Variants in FBXL17 observed in about 807,000 individuals in gnomAD.
FBXL17 encodes the protein F-box/LRR-repeat protein 17.
Under a neutral mutation model 66.2 loss-of-function variants are expected in FBXL17, and 22 were observed. The ratio of observed to expected loss-of-function variants is 0.33; its 90% CI spans 0.24 to 0.47. The LOEUF (loss-of-function observed/expected upper bound fraction) is 0.47. Among genes scored for constraint, FBXL17 ranks in the 20% least tolerant of loss-of-function variants. FBXL17 has a pLI of 1.00. For synonymous variants in FBXL17, 474 were observed against 400.5 expected, an observed-to-expected ratio of 1.18 and a Z score of -2.19; for missense variants, 878 against 948.2, an observed-to-expected ratio of 0.93 and a Z score of 0.97.
At chr5:108,340,981 G>C (rs1746839888) in intron 4 of FBXL17, among the ~76,000 whole-genome samples, 1 of 152,098 alleles carries the variant, frequency 6.6e-6, no homozygotes, top group South Asian at 2.1e-4. Flanking sequence ...ACATATCTTA[G>C]TACCATATTG....
intron 5 of FBXL17, among the ~76,000 whole-genome samples, chr5:108,203,557 A>C (rs1753987989): frequency 6.6e-6 from 1 of 152,162 alleles, no homozygotes; most frequent in South Asian, 2.1e-4. Context: ...TACAGTACTC[A>C]CTAGGTCATA....
intron 6 of FBXL17, among the ~76,000 whole-genome samples, chr5:108,100,046 A>G (rs1285896392): frequency 6.6e-6 from 1 of 152,090 alleles, no homozygotes; most frequent in Non-Finnish European, 1.5e-5. Context: ...AAACTATCCC[A>G]ATTATCTCAA....
At chr5:108,171,218 T>G (rs556533492) in intron 6 of FBXL17, among the ~76,000 whole-genome samples, 1 of 152,214 alleles carries the variant, frequency 6.6e-6, no homozygotes, top group Non-Finnish European at 1.5e-5. Context: ...TAATACTTAC[T>G]TTATTGTAAT....
chr5:108,154,612 TATATACACAC>T (rs1377342230), intron 6 of FBXL17, among the ~76,000 whole-genome samples: 4 of 95,438 alleles, frequency 4.2e-5, no homozygotes, highest in African/African-American at 1.9e-4. Flanking sequence ...AAAAAATATA[TATATACACAC>T]ACACACACAC....
intron 7 of FBXL17, among the ~76,000 whole-genome samples, chr5:107,979,207 C>T (rs12656140): frequency 0.12 from 17,836 of 151,956 alleles, 1,337 homozygotes; most frequent in East Asian, 0.2. Context: ...TTGGAGTAAA[C>T]GGAATTATGT....
At chr5:108,181,471 C>T (rs557798909) in intron 6 of FBXL17, among the ~76,000 whole-genome samples, 9 of 152,262 alleles carry the variant, frequency 5.9e-5, no homozygotes, top group Non-Finnish European at 1.2e-4. Context: ...TAAAGAGCAG[C>T]ATGTCTTAGT....
chr5:107,956,351 G>C (rs926104638), intron 7 of FBXL17, among the ~76,000 whole-genome samples: 16 of 152,188 alleles, frequency 1.1e-4, no homozygotes, highest in South Asian at 2.1e-4. Flanking sequence ...TATTTTGCAC[G>C]AGGTTTCAGA....
chr5:107,974,351 A>T (rs1752502094), intron 7 of FBXL17, among the ~76,000 whole-genome samples: 1 of 152,158 alleles, frequency 6.6e-6, no homozygotes, highest in South Asian at 2.1e-4. Context: ...AAATTCCTTT[A>T]CCTTCTAGAC....
chr5:107,978,001 T>C (rs1435588008), intron 7 of FBXL17, among the ~76,000 whole-genome samples: 1 of 152,172 alleles, frequency 6.6e-6, no homozygotes, highest in Non-Finnish European at 1.5e-5. Flanking sequence ...TTATGAAGCA[T>C]GATCAGAATC....
Position 108,376,104 on chromosome 5 carries a change from T to C in FBXL17, c.993+4595A>G, listed in dbSNP as rs540235199. Among the ~76,000 whole-genome samples the C allele has an allele frequency of 4.6e-5, 7 of 152,266 alleles. No homozygotes were observed. The South Asian group carries it at 1.4e-3, about 31-fold the overall frequency. The stretch of plus-strand genomic sequence containing the variant: ...CTTTCTTGATTAAAACATTCAGAAA[T>C]ATAGGAATAAAAGAACACTTCCTCA... On this transcript the variant is annotated intron_variant, in intron 1 of 8. Transcript: ENST00000542267.
intron 4 of FBXL17, among the ~76,000 whole-genome samples, chr5:108,337,519 A>C (rs1007134123): frequency 6.6e-6 from 1 of 152,144 alleles, no homozygotes; most frequent in Admixed American, 6.5e-5. Context: ...TCTCAAACCT[A>C]CAACAAATTA....
intron 7 of FBXL17, among the ~76,000 whole-genome samples, chr5:108,008,562 T>C (rs1754024596): frequency 6.6e-6 from 1 of 152,244 alleles, no homozygotes. Context: ...GATGCACATA[T>C]ATAGGTATGC....
intron 7 of FBXL17, among the ~76,000 whole-genome samples, chr5:107,898,510 T>C (rs1263311589): frequency 6.6e-6 from 1 of 152,202 alleles, no homozygotes. Flanking sequence ...ACATTTTTTA[T>C]TATTATATTT....
intron 7 of FBXL17, among the ~76,000 whole-genome samples, chr5:107,909,670 G>A (rs943281608): frequency 7.2e-5 from 11 of 152,050 alleles, no homozygotes; most frequent in African/African-American, 2.7e-4. Flanking sequence ...AAAACATAAT[G>A]GCAGCATCTT....
chr5:108,381,272 G>A lies in FBXL17; in HGVS notation c.420C>T (p.Cys140=), dbSNP rs1017245910. 2.7e-5 allele frequency: 38 copies of A among 1,422,156 alleles called. No homozygotes were observed. Among genetic ancestry groups the A allele is most frequent in the Non-Finnish European group, 3.5e-5 (38 of 1,091,280 alleles). The allele number at this position is 1,422,156 out of a possible 1,614,324, so 88.1% of individuals were successfully genotyped here. A position where few individuals can be genotyped will look rare whatever the true frequency, so the allele number is the denominator to read the frequency against. The change falls in exon 1 of 9, where the codon TGC becomes TGT. Residue 140 remains cysteine, a synonymous_variant. Transcript: ENST00000542267. The stretch of plus-strand genomic sequence containing the variant: ...CCGCAGCCAGCCCCAACTCTTTGCA[G>A]CAGGAGGCGGGCGACGAAGCCGAGG... ...AAASASSPAS[C]CKELGLAAAA... is the part of the protein sequence containing the mutation.
intron 6 of FBXL17, among the ~76,000 whole-genome samples, chr5:108,030,261 T>A (rs1040328537): frequency 1.3e-5 from 2 of 152,108 alleles, no homozygotes; most frequent in Non-Finnish European, 2.9e-5. Context: ...GAGAAACACA[T>A]CTCTGTTCAT....
chr5:107,881,455 T>C (rs554036196), intron 7 of FBXL17, among the ~76,000 whole-genome samples: 57 of 152,294 alleles, frequency 3.7e-4, no homozygotes, highest in African/African-American at 1.4e-3. Flanking sequence ...CTTTCAAACA[T>C]TCAGCTCTGC....
chr5:108,323,245 A>T (rs1759700175), intron 4 of FBXL17, among the ~76,000 whole-genome samples: 1 of 151,840 alleles, frequency 6.6e-6, no homozygotes. Context: ...ATAATAAATG[A>T]CTTCAGCAAA....
At chr5:108,042,674 T>C (rs1580363619) in intron 6 of FBXL17, among the ~76,000 whole-genome samples, 2 of 152,350 alleles carry the variant, frequency 1.3e-5, no homozygotes, top group East Asian at 3.9e-4. Flanking sequence ...TAAAGGACAG[T>C]TATTTCCAGG....
Sources: gnomAD v4.1 joint callset for allele counts (sites outside exome capture counted in the v4.1 genomes callset) on GRCh38, gnomAD v4.1.1 for gene constraint, MANE v1.5 for transcripts, NCBI Gene and HGNC (gene_info 2026-07-23, HGNC 2026-07-21) for gene names.